TFE3: variants seen among roughly 807,000 people sequenced by gnomAD.
TFE3 encodes transcription factor E3.
In TFE3, 5 loss-of-function variants were observed where a neutral mutation model predicts 35.0. That is an observed-to-expected ratio of 0.14 (90% CI 0.07 to 0.30). TFE3 has a LOEUF of 0.30. Among genes scored for constraint, TFE3 ranks in the 10% least tolerant of loss-of-function variants. The pLI, the probability that TFE3 is intolerant of heterozygous loss-of-function variation, is 1.00. For synonymous variants in TFE3, 211 were observed against 215.6 expected (o/e 0.98, Z 0.18); for missense variants, 374 against 496.6 (o/e 0.75, Z 2.35).
chrX:49,037,649 A>T (rs2147774726), intron 5 of TFE3: 1 of 131,777 alleles, frequency 7.6e-6, no homozygotes, highest in East Asian at 2.3e-4. Flanking sequence ...CAGTGAGCTG[A>T]GACCGCGCCA....
chrX:49,032,231 C>CT (rs1374895613), intron 8 of TFE3, among the ~76,000 whole-genome samples: 7 of 109,207 alleles, frequency 6.4e-5, no homozygotes, highest in Admixed American at 9.9e-5. Flanking sequence ...TTCTCTTTTC[C>CT]TTTTTTTTTG....
At chrX:49,033,836 A>G (rs2064713455) in intron 6 of TFE3, 54 bp from the exon 7 acceptor site, 1 of 1,162,158 alleles carries the variant, frequency 8.6e-7, no homozygotes, top group Non-Finnish European at 1.2e-6. Context: ...CAAGAAACAC[A>G]TGCAGATACT....
chrX:49,028,920 A>G lies in TFE3; in HGVS notation c.*1238T>C, dbSNP rs1720810527. On this transcript the variant is annotated 3_prime_UTR_variant, in exon 10 of 10. Transcript: ENST00000315869. The stretch of plus-strand genomic sequence containing the variant: ...ACTCTGAAATGGGGTGATTCCTCCA[A>G]ATGAAGAACTGGGTGGGGAACAGAG... 5.8e-6 allele frequency: 1 copy of G among 173,720 alleles called. No homozygotes were observed. The highest frequency in any genetic ancestry group is 1.1e-5 in the Non-Finnish European group (1 of 90,409). The allele number at this position is 173,720 out of a possible 1,213,427, so 14.3% of individuals were successfully genotyped here.
chrX:49,029,417 A>AT lies in TFE3; in HGVS notation c.*740dup. The AT allele has an allele frequency of 4.3e-6, 1 of 235,086 alleles. No homozygotes were observed. The highest frequency in any genetic ancestry group is 8.1e-6 in the Non-Finnish European group (1 of 123,254). 19.4% of individuals were successfully genotyped at this position (235,086 alleles called of 1,213,427 possible). A position where few individuals can be genotyped will look rare whatever the true frequency, so the allele number is the denominator to read the frequency against. ...CCTCCCTGCAGTGTGGAATGCTTAG[A>AT]TGGGATGTTGCTGAGGGACAAGGGT... is the stretch of plus-strand genomic sequence containing the variant. On this transcript the variant is annotated 3_prime_UTR_variant, in exon 10 of 10. Transcript: ENST00000315869.
intron 9 of TFE3, among the ~76,000 whole-genome samples, 198 bp from the exon 10 acceptor site, chrX:49,030,799 T>G (rs2064695705): frequency 8.9e-6 from 1 of 111,761 alleles, no homozygotes; most frequent in Admixed American, 9.6e-5. Context: ...TATATAATAA[T>G]GGCCCCTAGG....
intron 8 of TFE3, among the ~76,000 whole-genome samples, chrX:49,032,410 G>C (rs1557073910): frequency 9.3e-6 from 1 of 107,615 alleles, no homozygotes. Flanking sequence ...AATTTTTTTT[G>C]TATTTTTTGT....
At chrX:49,037,185 T>C (rs2064735113) in intron 5 of TFE3, among the ~76,000 whole-genome samples, 1 of 111,279 alleles carries the variant, frequency 9.0e-6, no homozygotes, top group Non-Finnish European at 1.9e-5. Context: ...ACACCTGTAA[T>C]CCCAGCTACG....
In TFE3 at chrX:49,038,194, T is replaced by C. The variant is rs782553082; in HGVS notation, c.780+3A>G. The C allele has an allele frequency of 1.7e-6, 2 of 1,212,069 alleles. No homozygotes were observed. Among genetic ancestry groups the C allele is most frequent in the Non-Finnish European group, 2.2e-6 (2 of 895,572 alleles). On this transcript the variant is annotated splice_donor_region_variant and intron_variant, in intron 4 of 9. Transcript: ENST00000315869. ...GGGAGGAGGTTTGGCTGTAGCCTCT[T>C]ACCTCCTTCTCTGAGCTGGACCCGA...
Position 49,039,340 on chromosome X carries a change from A to G in TFE3, c.301T>C (p.Ser101Pro). The change falls in exon 3 of 10, where the codon TCC becomes CCC. Residue 101 changes from serine (S) to proline (P), a missense_variant. By Grantham distance (74) the Ser-to-Pro change is moderately conservative (BLOSUM62 -1). Around this residue, in one of 3 missense-constraint regions of TFE3, gnomAD observed 90 missense variants for 87.5 expected, o/e 1.03. Coordinates refer to ENST00000315869, the MANE Select transcript of TFE3 (RefSeq NM_006521.6). ...GATGACGACATGGCAGGGGTCCTGG[A>G]GCCCCCTGCAGAAGACGATGCAGAG... Reference protein sequence around the residue: ...TLSASSSAGGSRTPAMSSSSS... With the variant: ...TLSASSSAGGPRTPAMSSSSS... The G allele has an allele frequency of 8.3e-7, 1 of 1,206,608 alleles. No homozygotes were observed.
chrX:49,039,631 T>G, intron 2 of TFE3: 2 of 360,675 alleles, frequency 5.5e-6, no homozygotes, highest in Non-Finnish European at 9.4e-6. Context: ...GGTGGGGGAG[T>G]TTTAGCCTTT....
At chrX:49,035,968 G>C (rs782330295) in intron 5 of TFE3, among the ~76,000 whole-genome samples, 3 of 109,339 alleles carry the variant, frequency 2.7e-5, no homozygotes, top group African/African-American at 1.0e-4. Context: ...TCAGGAGTTC[G>C]AGACCAGCCT....
Position 49,043,318 on chromosome X carries a change from C to T in TFE3, c.-92G>A. The T allele has an allele frequency of 1.4e-6, 1 of 701,546 alleles. No homozygotes were observed. Among genetic ancestry groups the T allele is most frequent in the Non-Finnish European group, 2.0e-6 (1 of 494,209 alleles). The allele number at this position is 701,546 out of a possible 1,213,427, so 57.8% of individuals were successfully genotyped here. On this transcript the variant is annotated 5_prime_UTR_variant, in exon 1 of 10. Transcript: ENST00000315869. ...AGAGTCCCCCCTCCCCCCAGCTCGC[C>T]ACCGCCGCCTCCTCCGCTAAGCCAT...
At position 49,038,016 on chromosome X, in the gene TFE3, G is replaced by A. The variant is rs2147775609; in HGVS notation, c.879C>T (p.Pro293=). The A allele has an allele frequency of 1.7e-6, 2 of 1,198,846 alleles. No individual in the cohort carries two copies. The highest frequency in any genetic ancestry group is 2.3e-6 in the Non-Finnish European group (2 of 888,224). ...LPGGTTGLQL[P]STLPVSGNLL... is the part of the protein sequence containing the mutation. ...TCCCATCTCAGGGCCTCACCGTGCT[G>A]GGGAGCTGCAGTCCTGTGGTGCCTC... is the stretch of plus-strand genomic sequence containing the variant. Residue 293 remains proline (P), a synonymous_variant, in exon 5 of 10, where the codon CCC becomes CCT. Coordinates refer to ENST00000315869, the MANE Select transcript of TFE3 (RefSeq NM_006521.6).
chrX:49,036,265 C>T (rs1204814625), intron 5 of TFE3, among the ~76,000 whole-genome samples: 1 of 105,740 alleles, frequency 9.5e-6, no homozygotes, highest in Non-Finnish European at 1.9e-5. Context: ...GTCAGGAGTT[C>T]GAGACCAGCC....
At position 49,033,500 on chromosome X, in the gene TFE3, C is replaced by G; in HGVS notation, c.1101G>C (p.Lys367Asn). The change falls in exon 8 of 10, where the codon AAG (lysine) becomes AAC (asparagine). Residue 367 changes from lysine to asparagine, a missense_variant. Physicochemically the swap from Lys to Asn is moderately conservative, Grantham distance 94 (BLOSUM62 0). Coordinates refer to ENST00000315869, the MANE Select transcript of TFE3 (RefSeq NM_006521.6). ...RRRFNINDRI[K>N]ELGTLIPKSS... ...ACTTAGGGATGAGAGTGCCCAGTTCCTTGATCCTGTCGTTAATGTTGAATC... is the reference window on the plus strand; with the variant it reads ...ACTTAGGGATGAGAGTGCCCAGTTCGTTGATCCTGTCGTTAATGTTGAATC... 1 of 1,211,925 alleles carries G rather than the reference C, an allele frequency of 8.3e-7. No individual in the cohort carries two copies. The highest frequency in any genetic ancestry group is 1.1e-6 in the Non-Finnish European group (1 of 895,573).
At chrX:49,032,667 G>A (rs1371830216) in intron 8 of TFE3, among the ~76,000 whole-genome samples, 1 of 108,717 alleles carries the variant, frequency 9.2e-6, no homozygotes, top group Non-Finnish European at 1.9e-5. Context: ...CACTGCACCC[G>A]GCCATCTTTT....
intron 5 of TFE3, 106 bp from the exon 6 acceptor site, chrX:49,034,357 C>T (rs2064716672): frequency 1.1e-5 from 6 of 535,634 alleles, no homozygotes; most frequent in Admixed American, 8.5e-5. Context: ...AGATGGGGCA[C>T]CCTCTAATGC....
chrX:49,038,177 G>A lies in TFE3; in HGVS notation c.780+20C>T. The A allele has an allele frequency of 8.2e-7, 1 of 1,212,193 alleles. No individual in the cohort carries two copies. The highest frequency in any genetic ancestry group is 1.1e-6 in the Non-Finnish European group (1 of 895,601). On this transcript the variant is annotated intron_variant, in intron 4 of 9. Coordinates refer to ENST00000315869, the MANE Select transcript of TFE3 (RefSeq NM_006521.6). ...ATTTGGGAGGGGAATGTGGGAGGAG[G>A]TTTGGCTGTAGCCTCTTACCTCCTT...
chrX:49,039,224 C>T lies in TFE3; in HGVS notation c.417G>A (p.Ala139=), dbSNP rs782137762. The T allele has an allele frequency of 1.1e-5, 13 of 1,204,532 alleles. No individual in the cohort carries two copies. The highest frequency in any genetic ancestry group is 2.2e-5 in the Admixed American group (1 of 45,124). The part of the protein sequence containing the change: ...ERRERREQAA[A]APFPSPAPAS... ...CAGGTGCAGGACTGGGGAAGGGAGC[C>T]GCGGCGGCCTGTTCCCGACGCTCAC... Residue 139 remains alanine, a synonymous_variant, in exon 3 of 10, where the codon GCG becomes GCA. Transcript: ENST00000315869.
Sources: allele counts gnomAD v4.1 joint callset (sites outside exome capture counted in the v4.1 genomes callset), GRCh38; gene constraint gnomAD v4.1.1; regional missense constraint gnomAD v4.1.1; transcripts MANE v1.5; gene names NCBI Gene and HGNC (gene_info 2026-07-23, HGNC 2026-07-21).